CCDC83: variants seen among roughly 807,000 people sequenced by gnomAD.
CCDC83 encodes the protein coiled-coil domain-containing protein 83.
A neutral mutation model predicts 50.1 loss-of-function variants in CCDC83; 54 were observed. That is an observed-to-expected ratio of 1.08 (90% CI 0.87 to 1.35). The LOEUF (loss-of-function observed/expected upper bound fraction) is 1.35, where lower values mean the gene tolerates loss of function less well. CCDC83 is among the 40% of genes most tolerant of loss of function. CCDC83 has a pLI of 0.00. For missense variants in CCDC83, 518 were observed against 473.9 expected (o/e 1.09, Z -0.86); for synonymous variants, 161 against 153.3 (o/e 1.05, Z -0.37).
intron 6 of CCDC83, among the ~76,000 whole-genome samples, chr11:85,898,415 AAAGT>A (rs2093385201): frequency 6.6e-6 from 1 of 152,222 alleles, no homozygotes; most frequent in South Asian, 2.1e-4. Context: ...ACCTACTGAC[AAAGT>A]AAGACTTTTT....
chr11:85,894,238 G>T (rs2093362576), intron 5 of CCDC83, among the ~76,000 whole-genome samples: 1 of 152,150 alleles, frequency 6.6e-6, no homozygotes, highest in Non-Finnish European at 1.5e-5. Context: ...GTACAATACT[G>T]TTGTTTAGCT....
chr11:85,870,885 G>A (rs2093233381), intron 2 of CCDC83, among the ~76,000 whole-genome samples: 1 of 152,100 alleles, frequency 6.6e-6, no homozygotes, highest in African/African-American at 2.4e-5. Flanking sequence ...TATCTCTGTA[G>A]GCCAGGCGCA....
At chr11:85,883,697 G>A (rs2093312913) in intron 4 of CCDC83, among the ~76,000 whole-genome samples, 1 of 152,136 alleles carries the variant, frequency 6.6e-6, no homozygotes, top group African/African-American at 2.4e-5. Context: ...TGGAAAACAT[G>A]AGAAAGAGAC....
At chr11:85,885,928 T>A (rs901618594) in intron 4 of CCDC83, among the ~76,000 whole-genome samples, 6 of 152,222 alleles carry the variant, frequency 3.9e-5, no homozygotes, top group Non-Finnish European at 7.3e-5. Context: ...TGCAGCTTCC[T>A]AGGCATATGG....
chr11:85,893,968 C>T (rs983243676), intron 5 of CCDC83, among the ~76,000 whole-genome samples: 2 of 152,100 alleles, frequency 1.3e-5, no homozygotes, highest in Non-Finnish European at 2.9e-5. Flanking sequence ...ATTGGACTCA[C>T]TTGTCCAGCT....
intron 6 of CCDC83, among the ~76,000 whole-genome samples, chr11:85,896,281 G>A (rs1224298277): frequency 1.3e-5 from 2 of 151,662 alleles, no homozygotes; most frequent in African/African-American, 4.8e-5. Flanking sequence ...CAGCTCAGTA[G>A]TGCCAGCTAC....
At chr11:85,889,486 A>C (rs779306132) in intron 5 of CCDC83, among the ~76,000 whole-genome samples, 1 of 152,260 alleles carries the variant, frequency 6.6e-6, no homozygotes, top group Non-Finnish European at 1.5e-5. Context: ...AGCCATAAGA[A>C]AATGGTTGTT....
intron 6 of CCDC83, among the ~76,000 whole-genome samples, 167 bp from the exon 7 acceptor site, chr11:85,898,780 A>G (rs1341367057): frequency 6.6e-6 from 1 of 152,236 alleles, no homozygotes; most frequent in African/African-American, 2.4e-5. Flanking sequence ...AAGCAATACA[A>G]TAGGATAGTA....
chr11:85,866,625 G>A (rs914307243), intron 2 of CCDC83, among the ~76,000 whole-genome samples: 12 of 151,368 alleles, frequency 7.9e-5, no homozygotes, highest in African/African-American at 2.7e-4. Context: ...CTGCACTCCA[G>A]CCTTGGTGAC....
intron 10 of CCDC83, among the ~76,000 whole-genome samples, chr11:85,917,157 A>AGGGG (rs1565159887): frequency 2.0e-5 from 2 of 101,830 alleles, no homozygotes; most frequent in Non-Finnish European, 2.1e-5. Context: ...AGAGAGAGAG[A>AGGGG]GAGAGAGAGA....
intron 10 of CCDC83, among the ~76,000 whole-genome samples, chr11:85,918,817 G>A (rs1341761126): frequency 6.6e-6 from 1 of 152,100 alleles, no homozygotes; most frequent in Non-Finnish European, 1.5e-5. Context: ...GAGCAGGTAG[G>A]GGAACAGTCA....
At chr11:85,894,779 C>T (rs1290839624) in intron 5 of CCDC83, among the ~76,000 whole-genome samples, 1 of 152,186 alleles carries the variant, frequency 6.6e-6, no homozygotes, top group Non-Finnish European at 1.5e-5. Flanking sequence ...AAATTGGACT[C>T]ATTTGTCCAG....
chr11:85,878,824 C>A (rs2093282862), intron 3 of CCDC83, among the ~76,000 whole-genome samples: 1 of 152,136 alleles, frequency 6.6e-6, no homozygotes, highest in African/African-American at 2.4e-5. Flanking sequence ...TCTCCTCATC[C>A]TCTTCAGAAT....
At chr11:85,895,259 ATTTTC>A (rs750379112) in intron 5 of CCDC83, 29 bp from the exon 6 acceptor site, 8 of 839,838 alleles carry the variant, frequency 9.5e-6, no homozygotes, top group Admixed American at 3.8e-5. Context: ...AAGGCTTTTA[ATTTTC>A]TTTTTTTTTT....
intron 7 of CCDC83, 60 bp from the exon 8 acceptor site, chr11:85,911,221 G>T: frequency 1.7e-4 from 195 of 1,142,010 alleles, no homozygotes; most frequent in Non-Finnish European, 2.1e-4. Context: ...ATAAAGAAAA[G>T]AAAACTTAAT....
intron 2 of CCDC83, among the ~76,000 whole-genome samples, chr11:85,872,314 G>A (rs781438489): frequency 1.1e-4 from 17 of 151,896 alleles, no homozygotes; most frequent in Non-Finnish European, 1.9e-4. Flanking sequence ...GTGAAACTCC[G>A]TCTCTACAAA....
At position 85,865,172 on chromosome 11, in the gene CCDC83, C is replaced by A; in HGVS notation, c.49C>A (p.Pro17Thr). 1 of 1,613,262 alleles carries A rather than the reference C, an allele frequency of 6.2e-7. No individual in the cohort carries two copies. The highest frequency in any genetic ancestry group is 1.3e-5 in the African/African-American group (1 of 75,030). ...TAAAAAGGATACACATGACGGGCCA[C>A]CAAAAGAAATTAAACTGCCTACCAG... ...ANKKDTHDGP[P>T]KEIKLPTSEA... The change falls in exon 2 of 11, where the codon CCA (proline) becomes ACA (threonine). Residue 17 changes from proline (P) to threonine (T), a missense_variant. Transcript: ENST00000342404.
At position 85,893,920 on chromosome 11, in the gene CCDC83, G is replaced by A. The variant is rs544694707; in HGVS notation, c.512-1373G>A. Among the ~76,000 whole-genome samples, 4 of 152,218 alleles carry A rather than the reference G, an allele frequency of 2.6e-5. No individual in the cohort carries two copies. In the East Asian group the frequency reaches 5.8e-4, roughly 22 times the overall value. On this transcript the variant is annotated intron_variant, in intron 5 of 10. Transcript: ENST00000342404. ...TTACATACTGTTTGGCATACAGAAA[G>A]AGCTTGATAGTTACTTGTTGAAAAA... is the stretch of plus-strand genomic sequence containing the variant.
At chr11:85,893,527 C>G (rs1001175327) in intron 5 of CCDC83, among the ~76,000 whole-genome samples, 1 of 152,176 alleles carries the variant, frequency 6.6e-6, no homozygotes, top group African/African-American at 2.4e-5. Flanking sequence ...CAGGGGTTCC[C>G]CAACCCCCAA....
Sources: allele counts gnomAD v4.1 joint callset (sites outside exome capture counted in the v4.1 genomes callset), GRCh38; gene constraint gnomAD v4.1.1; transcripts MANE v1.5; gene names NCBI Gene and HGNC (gene_info 2026-07-23, HGNC 2026-07-21).